Variants in OPCML observed in about 807,000 individuals in gnomAD.
OPCML encodes opioid binding protein/cell adhesion molecule like, also known as opioid-binding protein/cell adhesion molecule.
Under a neutral mutation model 37.8 loss-of-function variants are expected in OPCML, and 13 were observed. The observed-to-expected ratio is 0.34, with a 90% confidence interval of 0.22 to 0.55. The LOEUF is 0.55. Among genes scored for constraint, OPCML ranks in the 20% least tolerant of loss-of-function variants. OPCML has a pLI of 0.91. For synonymous variants in OPCML, 176 were observed against 168.8 expected (o/e 1.04, Z -0.33); for missense variants, 341 against 435.6 (o/e 0.78, Z 1.93).
intron 1 of OPCML, among the ~76,000 whole-genome samples, chr11:133,485,968 C>T (rs780410824): frequency 2.0e-5 from 3 of 151,962 alleles, no homozygotes; most frequent in Non-Finnish European, 4.4e-5. Context: ...GGCTAAATTG[C>T]TGTATAGTAT....
chr11:133,314,693 CT>C lies in OPCML; in HGVS notation c.61+217570del, dbSNP rs138887107. Among the ~76,000 whole-genome samples, 1,002 of 152,288 alleles carry C rather than the reference CT, an allele frequency of 6.6e-3. 2 individuals carry two copies. Among genetic ancestry groups the C allele is most frequent in the Middle Eastern group, 0.014 (4 of 294 alleles). On this transcript the variant is annotated intron_variant, in intron 1 of 7. Transcript: ENST00000524381. ...CCTGATGTTGACTTTATCAGCAGCCCTCGACTCAATGGTCTCCCCCACAGAA... is the reference window on the plus strand; with the variant it reads ...CCTGATGTTGACTTTATCAGCAGCCCCGACTCAATGGTCTCCCCCACAGAA...
At chr11:132,445,652 C>T (rs373290322) in intron 4 of OPCML, among the ~76,000 whole-genome samples, 1 of 152,174 alleles carries the variant, frequency 6.6e-6, no homozygotes, top group African/African-American at 2.4e-5. Flanking sequence ...TGAACATGGT[C>T]TGGGGTGAGG....
rs538753566 is a variant in OPCML, at chr11:133,174,234, A to G, written c.62-231224T>C. On this transcript the variant is annotated intron_variant, in intron 1 of 7. Coordinates refer to ENST00000524381, the MANE Select transcript of OPCML (RefSeq NM_001012393.5). This position sits in a 1 kb window ranked among gnomAD's most constrained non-coding sequence, Gnocchi z 4.6. ...GAAGAAGGAAATGGAGCTCCGGAGTAACTCCTAGAAGGCGAAGCATGATTA... is the reference window on the plus strand; with the variant it reads ...GAAGAAGGAAATGGAGCTCCGGAGTGACTCCTAGAAGGCGAAGCATGATTA... Among the ~76,000 whole-genome samples the G allele has an allele frequency of 1.3e-5, 2 of 152,312 alleles. No homozygotes were observed. The highest frequency in any genetic ancestry group is 4.1e-4 in the South Asian group (2 of 4,824).
At chr11:132,571,248 C>T (rs1226877714) in intron 3 of OPCML, among the ~76,000 whole-genome samples, 2 of 152,070 alleles carry the variant, frequency 1.3e-5, no homozygotes, top group Non-Finnish European at 2.9e-5. Flanking sequence ...CTGAAGGCTG[C>T]TCTGTCTGCT....
chr11:133,036,399 A>C (rs1019360699), intron 1 of OPCML, among the ~76,000 whole-genome samples: 6 of 152,352 alleles, frequency 3.9e-5, no homozygotes, highest in African/African-American at 1.4e-4. Flanking sequence ...AGAAATGTTA[A>C]ATTTTATTGT....
chr11:133,040,167 T>A (rs575080644), intron 1 of OPCML, among the ~76,000 whole-genome samples: 1 of 152,068 alleles, frequency 6.6e-6, no homozygotes, highest in Non-Finnish European at 1.5e-5. Flanking sequence ...TAAAAGGTGT[T>A]GAATTTTATG....
At chr11:132,779,918 G>A (rs1416098168) in intron 2 of OPCML, among the ~76,000 whole-genome samples, 4 of 152,072 alleles carry the variant, frequency 2.6e-5, no homozygotes, top group Non-Finnish European at 5.9e-5. Flanking sequence ...TTGTTTTCAT[G>A]GATGCTCTTT....
chr11:132,496,271 T>C (rs1250089290), intron 4 of OPCML, among the ~76,000 whole-genome samples: 1 of 152,190 alleles, frequency 6.6e-6, no homozygotes, highest in African/African-American at 2.4e-5. Flanking sequence ...AAGTGCTATA[T>C]GTCTGAAGGG....
Position 133,177,370 on chromosome 11 carries a change from C to T in OPCML, c.62-234360G>A, listed in dbSNP as rs1937620436. Among the ~76,000 whole-genome samples the T allele has an allele frequency of 6.6e-6, 1 of 152,144 alleles. No homozygotes were observed. Among genetic ancestry groups the T allele is most frequent in the African/African-American group, 2.4e-5 (1 of 41,430 alleles). ...GAGAGGGCTATAAATTCTGGCAGAA[C>T]CCTGAGGAAATCAGTAATCTTGAAC... On this transcript the variant is annotated intron_variant, in intron 1 of 7. Transcript: ENST00000524381. This position sits in a 1 kb window ranked among gnomAD's most constrained non-coding sequence, Gnocchi z 5.0.
intron 3 of OPCML, among the ~76,000 whole-genome samples, chr11:132,559,507 C>A (rs1432356988): frequency 1.3e-4 from 20 of 152,268 alleles, no homozygotes; most frequent in East Asian, 1.9e-4. Flanking sequence ...ACGCCACCAG[C>A]TTGCCGCTGG....
intron 3 of OPCML, among the ~76,000 whole-genome samples, chr11:132,633,366 C>T (rs1415086618): frequency 6.6e-6 from 1 of 152,074 alleles, no homozygotes; most frequent in African/African-American, 2.4e-5. Context: ...CTCTCTTTTC[C>T]CTGCCTAAGT....
chr11:133,072,614 C>T (rs1458169344), intron 1 of OPCML, among the ~76,000 whole-genome samples: 2 of 152,166 alleles, frequency 1.3e-5, no homozygotes, highest in Non-Finnish European at 2.9e-5. Flanking sequence ...CGTCTTTTGG[C>T]ACTTTTCCAT....
chr11:132,872,390 A>C (rs1942835803), intron 2 of OPCML, among the ~76,000 whole-genome samples: 1 of 152,146 alleles, frequency 6.6e-6, no homozygotes, highest in Admixed American at 6.5e-5. Flanking sequence ...CGAATCGCGG[A>C]TCGAAAAGGC....
At chr11:133,462,149 C>CA (rs1393625700) in intron 1 of OPCML, among the ~76,000 whole-genome samples, 1 of 151,630 alleles carries the variant, frequency 6.6e-6, no homozygotes, top group African/African-American at 2.4e-5. Context: ...GTAATGGCTG[C>CA]AAAAAATAAA....
chr11:132,648,937 G>A (rs892539198), intron 3 of OPCML, among the ~76,000 whole-genome samples: 1 of 152,144 alleles, frequency 6.6e-6, no homozygotes, highest in African/African-American at 2.4e-5. Flanking sequence ...GAGAAATGGA[G>A]TGTGTCCTTC....
At chr11:132,513,389 T>C (rs986265625) in intron 4 of OPCML, among the ~76,000 whole-genome samples, 2 of 152,188 alleles carry the variant, frequency 1.3e-5, no homozygotes, top group Non-Finnish European at 1.5e-5. Context: ...TGGGGACCCC[T>C]TTGAAGATTT....
chr11:132,450,239 T>C (rs752860134), intron 4 of OPCML, among the ~76,000 whole-genome samples: 1 of 152,144 alleles, frequency 6.6e-6, no homozygotes, highest in Non-Finnish European at 1.5e-5. Context: ...CCCAAATTAG[T>C]TTATCAGTTT....
At chr11:133,422,884 A>C in intron 1 of OPCML, 1 of 962,696 alleles carries the variant, frequency 1.0e-6, no homozygotes, top group Non-Finnish European at 1.2e-6. Context: ...GAGGCTTAGG[A>C]TGAAGAATCT....
chr11:132,786,006 A>G (rs1011394559), intron 2 of OPCML, among the ~76,000 whole-genome samples: 2 of 152,200 alleles, frequency 1.3e-5, no homozygotes, highest in African/African-American at 2.4e-5. Flanking sequence ...GATGTGGACA[A>G]TGGCAGATAA....
Sources: gnomAD v4.1 joint callset for allele counts (sites outside exome capture counted in the v4.1 genomes callset) on GRCh38, gnomAD v4.1.1 for gene constraint, Gnocchi (gnomAD v3.1) non-coding constraint, MANE v1.5 for transcripts, NCBI Gene and HGNC (gene_info 2026-07-23, HGNC 2026-07-21) for gene names.